Variants in BOD1L1 observed in about 807,000 individuals in gnomAD.
BOD1L1 encodes biorientation of chromosomes in cell division 1 like 1.
Under a neutral mutation model 240.7 loss-of-function variants are expected in BOD1L1, and 86 were observed. That is an observed-to-expected ratio of 0.36 (90% CI 0.30 to 0.43). The LOEUF is 0.43. Ranked by LOEUF, BOD1L1 falls within the 20% of genes least tolerant of loss-of-function variation. BOD1L1 has a pLI of 1.00. For synonymous variants in BOD1L1, 1,268 were observed against 1,272.3 expected (o/e 1.00, Z 0.07); for missense variants, 3,554 against 3,643.5 (o/e 0.98, Z 0.63).
intron 2 of BOD1L1, among the ~76,000 whole-genome samples, chr4:13,617,732 C>T (rs1211692644): frequency 1.3e-5 from 2 of 152,120 alleles, no homozygotes; most frequent in African/African-American, 4.8e-5. Flanking sequence ...GGTATTAGAC[C>T]ATTTTTGTCT....
rs760074370 is a variant in BOD1L1, at chr4:13,599,976, A to G, written c.6924T>C (p.Ala2308=). Residue 2308 remains alanine, a synonymous_variant, in exon 10 of 26, where the codon GCT becomes GCC. Coordinates refer to ENST00000040738, the MANE Select transcript of BOD1L1 (RefSeq NM_148894.3). ...SEGCEAVMIG[A]VLQDEDRLTI... Reference sequence around the variant, plus strand: ...TGAGCCGATCTTCATCCTGGAGGACAGCACCAATCATGACTGCTTCACACC... The same window carrying G: ...TGAGCCGATCTTCATCCTGGAGGACGGCACCAATCATGACTGCTTCACACC... The G allele has an allele frequency of 2.5e-5, 40 of 1,611,388 alleles. No homozygotes were observed. The highest frequency in any genetic ancestry group is 8.5e-7 in the Non-Finnish European group (1 of 1,178,706).
In BOD1L1 at chr4:13,601,596, T is replaced by G; in HGVS notation, c.5304A>C (p.Pro1768=). The G allele has an allele frequency of 6.2e-7, 1 of 1,614,018 alleles. No individual in the cohort carries two copies. Among genetic ancestry groups the G allele is most frequent in the Non-Finnish European group, 8.5e-7 (1 of 1,179,896 alleles). ...AGVVLGDNDA[P]PGTSASQEGD... is the part of the protein sequence containing the mutation. ...CTTCTTGGCTGGCACTTGTTCCTGG[T>G]GGTGCATCATTATCTCCCAGGACAA... The change falls in exon 10 of 26, where the codon CCA becomes CCC. Residue 1768 remains proline (P), a synonymous_variant. Coordinates refer to ENST00000040738, the MANE Select transcript of BOD1L1 (RefSeq NM_148894.3).
At position 13,604,990 on chromosome 4, in the gene BOD1L1, G is replaced by A; in HGVS notation, c.1910C>T (p.Ser637Phe). The change falls in exon 10 of 26, where the codon TCT becomes TTT. Residue 637 changes from serine (S) to phenylalanine (F), a missense_variant. Ser to Phe is a radical substitution (Grantham distance 155). Transcript: ENST00000040738. ...PSKPARRLSE[S>F]LHVVDENKNE... ...TTTGTTTTCGTCAACTACATGCAAAGACTCTGAAAGTCTCCGGGCAGGTTT... is the reference window on the plus strand; with the variant it reads ...TTTGTTTTCGTCAACTACATGCAAAAACTCTGAAAGTCTCCGGGCAGGTTT... 1 of 1,613,032 alleles carries A rather than the reference G, an allele frequency of 6.2e-7. No individual in the cohort carries two copies.
Position 13,595,860 on chromosome 4 carries a change from C to G in BOD1L1, c.8104G>C (p.Ala2702Pro). The G allele has an allele frequency of 1.2e-6, 2 of 1,612,680 alleles. No homozygotes were observed. ...SLCGGKPSGI[A>P]ELQREPLLVN... ...TGAACAACCATTCTAAAGAGCTCAC[C>G]TATTCCACTTGGCTTTCCCCCACAC... The change falls in exon 12 of 26, where the codon GCT becomes CCT. Residue 2702 changes from alanine (A) to proline (P), a missense_variant and splice_region_variant. Coordinates refer to ENST00000040738, the MANE Select transcript of BOD1L1 (RefSeq NM_148894.3).
Position 13,613,729 on chromosome 4 carries a change from T to G in BOD1L1, c.1175-68A>C. ...TATAAGAACATACTCAGAGCTCAAT[T>G]ACTAAATTACACTTAAAATTTTCTG... is the stretch of plus-strand genomic sequence containing the variant. On this transcript the variant is annotated intron_variant, in intron 4 of 25. Transcript: ENST00000040738. This position sits in a 1 kb window ranked among gnomAD's most constrained non-coding sequence, Gnocchi z 4.0. 13 of 1,208,338 alleles carry G rather than the reference T, an allele frequency of 1.1e-5. No homozygotes were observed. Among genetic ancestry groups the G allele is most frequent in the Non-Finnish European group, 1.4e-5 (13 of 908,594 alleles). The allele number at this position is 1,208,338 out of a possible 1,614,324, so 74.9% of individuals were successfully genotyped here.
intron 8 of BOD1L1, among the ~76,000 whole-genome samples, chr4:13,607,502 T>C (rs556705170): frequency 6.6e-6 from 1 of 152,304 alleles, no homozygotes; most frequent in South Asian, 2.1e-4. Flanking sequence ...TTCACCATGT[T>C]GGTCAGGCTG....
intron 7 of BOD1L1, 75 bp from the exon 8 acceptor site, chr4:13,608,743 AT>A: frequency 8.0e-7 from 1 of 1,256,318 alleles, no homozygotes; most frequent in Non-Finnish European, 1.0e-6. Flanking sequence ...TTTCATTAAG[AT>A]TTTTCTAATC....
chr4:13,620,623 T>C (rs1195836920), intron 1 of BOD1L1, among the ~76,000 whole-genome samples: 1 of 152,138 alleles, frequency 6.6e-6, no homozygotes, highest in Non-Finnish European at 1.5e-5. Flanking sequence ...TGGTTACTTG[T>C]ACAAGTTTGG....
Position 13,603,926 on chromosome 4 carries a change from C to A in BOD1L1, c.2974G>T (p.Ala992Ser). The A allele has an allele frequency of 6.2e-7, 1 of 1,613,938 alleles. No individual in the cohort carries two copies. Among genetic ancestry groups the A allele is most frequent in the South Asian group, 1.1e-5 (1 of 91,082 alleles). Residue 992 changes from alanine (A) to serine (S), a missense_variant, in exon 10 of 26, where the codon GCC becomes TCC. By Grantham distance (99) the Ala-to-Ser change is moderately conservative (BLOSUM62 1). This residue lies in a region of BOD1L1 where 3,393 missense variants were observed against 3,427.1 expected (regional missense o/e 0.99). Coordinates refer to ENST00000040738, the MANE Select transcript of BOD1L1 (RefSeq NM_148894.3). ...TTCTCCTTTGCTAATGGTAACTTGG[C>A]TCTATGACTAGAATCCTTCTGTGTA... ...HSTQKDSSHR[A>S]KLPLAKEKYK...
chr4:13,580,880 T>C, intron 21 of BOD1L1, 140 bp downstream of exon 21: 1 of 713,396 alleles, frequency 1.4e-6, no homozygotes, highest in Non-Finnish European at 2.2e-6. Context: ...ATACTAGTAA[T>C]CAAAATATAT....
At chr4:13,590,718 T>C (rs1234826799) in intron 13 of BOD1L1, among the ~76,000 whole-genome samples, 3 of 152,188 alleles carry the variant, frequency 2.0e-5, no homozygotes, top group Non-Finnish European at 2.9e-5. Context: ...AGAGAAAAAT[T>C]TTCTGAATTC....
Position 13,599,205 on chromosome 4 carries a change from G to C in BOD1L1, c.7695C>G (p.Thr2565=). 1 of 1,613,912 alleles carries C rather than the reference G, an allele frequency of 6.2e-7. No individual in the cohort carries two copies. The highest frequency in any genetic ancestry group is 8.5e-7 in the Non-Finnish European group (1 of 1,179,852). The change falls in exon 10 of 26, where the codon ACC becomes ACG. Residue 2565 remains threonine, a synonymous_variant. Coordinates refer to ENST00000040738, the MANE Select transcript of BOD1L1 (RefSeq NM_148894.3). ...EQQGSEDNLK[T]STTKCITGQE... ...GGCCAGTAATACATTTGGTGGTACTGGTTTTCAAGTTGTCTTCAGACCCCT... is the reference window on the plus strand; with the variant it reads ...GGCCAGTAATACATTTGGTGGTACTCGTTTTCAAGTTGTCTTCAGACCCCT...
intron 7 of BOD1L1, 21 bp downstream of exon 7, chr4:13,609,266 TTTAAAATA>T: frequency 2.3e-6 from 3 of 1,308,994 alleles, no homozygotes; most frequent in Non-Finnish European, 2.0e-6. Flanking sequence ...TATGAGATAG[TTTAAAATA>T]TTAAAAGTTG....
Position 13,611,016 on chromosome 4 carries a change from TACGC to T in BOD1L1, c.1405_1408del (p.Ala469MetfsTer21). 6.2e-7 allele frequency: 1 copy of T among 1,612,600 alleles called. No homozygotes were observed. The highest frequency in any genetic ancestry group is 8.5e-7 in the Non-Finnish European group (1 of 1,178,892). On this transcript the variant is annotated frameshift_variant, in exon 6 of 26. Transcript: ENST00000040738. LOFTEE classifies it high-confidence loss of function. ...TGAGTAAAGATATGGTTTGTGGACA[TACGC>T]ATGCCGTACACTTTTTGTTTTTCCT... is the stretch of plus-strand genomic sequence containing the variant.
intron 12 of BOD1L1, among the ~76,000 whole-genome samples, chr4:13,595,290 A>C (rs1714531254): frequency 6.6e-6 from 1 of 152,208 alleles, no homozygotes; most frequent in Admixed American, 6.5e-5. Flanking sequence ...ATTTTTCAGT[A>C]ATTTTTGGTC....
intron 22 of BOD1L1, chr4:13,577,906 CTTT>C: frequency 1.7e-5 from 4 of 229,836 alleles, no homozygotes; most frequent in South Asian, 1.3e-4. Flanking sequence ...GATTAGACTA[CTTT>C]TTTTTTTTTT....
chr4:13,593,638 C>T (rs1714394578), intron 12 of BOD1L1: 1 of 152,130 alleles, frequency 6.6e-6, no homozygotes, highest in Non-Finnish European at 1.5e-5. Flanking sequence ...CTGACTCCCA[C>T]AGTCAAGTAC....
At chr4:13,608,697 T>C in intron 7 of BOD1L1, 29 bp from the exon 8 acceptor site, 1 of 1,387,464 alleles carries the variant, frequency 7.2e-7, no homozygotes, top group Non-Finnish European at 9.4e-7. Flanking sequence ...ATAAAACGTA[T>C]TTCAGAAAAG....
chr4:13,602,839 G>T lies in BOD1L1; in HGVS notation c.4061C>A (p.Thr1354Lys), dbSNP rs780987705. 3 of 1,614,022 alleles carry T rather than the reference G, an allele frequency of 1.9e-6. No homozygotes were observed. Among genetic ancestry groups the T allele is most frequent in the Non-Finnish European group, 1.7e-6 (2 of 1,179,892 alleles). ...GCTAGTGATGCTTGCTTTTGCTGGT[G>T]TATCTACTGTGAAACCTTCACCACC... ...KEGGEGFTVD[T>K]PAKASITSKR... The change falls in exon 10 of 26, where the codon ACA (threonine) becomes AAA (lysine). Residue 1354 changes from threonine to lysine, a missense_variant. Thr to Lys is a moderately conservative substitution (Grantham distance 78). Around this residue, in one of 2 missense-constraint regions of BOD1L1, gnomAD observed 3,393 missense variants for 3,427.1 expected, o/e 0.99. Transcript: ENST00000040738.
Sources: gnomAD v4.1 joint callset for allele counts (sites outside exome capture counted in the v4.1 genomes callset) on GRCh38, gnomAD v4.1.1 for gene constraint, gnomAD v4.1.1 regional missense constraint, Gnocchi (gnomAD v3.1) non-coding constraint, MANE v1.5 for transcripts, NCBI Gene and HGNC (gene_info 2026-07-23, HGNC 2026-07-21) for gene names.